TET1: variants seen among roughly 807,000 people sequenced by gnomAD.
TET1 encodes methylcytosine dioxygenase TET1.
A neutral mutation model predicts 148.7 loss-of-function variants in TET1; 13 were observed. That is an observed-to-expected ratio of 0.09 (90% CI 0.06 to 0.14). TET1 has a LOEUF of 0.14. TET1 is among the 10% of genes least tolerant of loss of function. TET1 has a pLI of 1.00. For synonymous variants in TET1, 907 were observed against 937.2 expected (o/e 0.97, Z 0.59); for missense variants, 2,182 against 2,553.8 (o/e 0.85, Z 3.14).
rs1209292552 is a variant in TET1, at chr10:68,645,867, G to A, written c.3138G>A (p.Glu1046=). 3.1e-6 allele frequency: 5 copies of A among 1,614,074 alleles called. No individual in the cohort carries two copies. The South Asian group carries it at 5.5e-5, about 18-fold the overall frequency. Reference sequence around the variant, plus strand: ...TGCCACCAAGAAATAATGAAGTGGAGTATTGCAACCAGTTACTGGACAGCA... The same window carrying A: ...TGCCACCAAGAAATAATGAAGTGGAATATTGCAACCAGTTACTGGACAGCA... The part of the protein sequence containing the change: ...HQLPPRNNEV[E]YCNQLLDSSK... Residue 1046 remains glutamate (E), a synonymous_variant, in exon 4 of 12, where the codon GAG becomes GAA. Transcript: ENST00000373644.
intron 11 of TET1, among the ~76,000 whole-genome samples, chr10:68,687,667 C>T (rs547635528): frequency 6.6e-6 from 1 of 152,114 alleles, no homozygotes; most frequent in East Asian, 1.9e-4. Flanking sequence ...TGGCTCACCA[C>T]AGCCTCAACC....
intron 1 of TET1, among the ~76,000 whole-genome samples, chr10:68,568,022 G>T (rs1443865194): frequency 1.3e-5 from 2 of 151,886 alleles, no homozygotes; most frequent in East Asian, 3.9e-4. Context: ...GGGATTACAG[G>T]CATGCACCAC....
At chr10:68,605,846 G>A (rs553435774) in intron 3 of TET1, among the ~76,000 whole-genome samples, 1 of 152,268 alleles carries the variant, frequency 6.6e-6, no homozygotes, top group Non-Finnish European at 1.5e-5. Context: ...CTAGACCAGT[G>A]CTGGTTTAAA....
intron 2 of TET1, among the ~76,000 whole-genome samples, chr10:68,592,485 GAAC>G (rs2053929989): frequency 6.6e-6 from 1 of 152,166 alleles, no homozygotes; most frequent in East Asian, 1.9e-4. Flanking sequence ...ACAATTGAAA[GAAC>G]AACAAAAATA....
At chr10:68,656,667 G>A (rs1475694133) in intron 6 of TET1, among the ~76,000 whole-genome samples, 1 of 152,176 alleles carries the variant, frequency 6.6e-6, no homozygotes, top group African/African-American at 2.4e-5. Context: ...GCCGAGCCTA[G>A]AATTAGCACT....
Position 68,646,338 on chromosome 10 carries a change from A to C in TET1, c.3609A>C (p.Pro1203=), listed in dbSNP as rs753965649. The C allele has an allele frequency of 4.3e-6, 7 of 1,614,210 alleles. No individual in the cohort carries two copies. The highest frequency in any genetic ancestry group is 3.3e-5 in the South Asian group (3 of 91,080). ...TTCAAAATTTTGGGCAATTTTGTCC[A>C]CATGATTTTCCTACTGTATTTGGGA... ...SKFQNFGQFC[P]HDFPTVFGKI... is the part of the protein sequence containing the mutation. Residue 1203 remains proline (P), a synonymous_variant, in exon 4 of 12, where the codon CCA becomes CCC. Transcript: ENST00000373644.
In TET1 at chr10:68,686,505, C is replaced by T. The variant is rs759378565; in HGVS notation, c.5202C>T (p.Ile1734=). Residue 1734 remains isoleucine, a synonymous_variant, in exon 11 of 12, where the codon ATC becomes ATT. Transcript: ENST00000373644. ...GMEAKIKSGA[I]EVLAPRRKKR... is the part of the protein sequence containing the mutation. The stretch of plus-strand genomic sequence containing the variant: ...AAGCCAAGATCAAATCTGGGGCCAT[C>T]GAGGTCCTGGCACCCCGCCGCAAAA... 7 of 1,614,074 alleles carry T rather than the reference C, an allele frequency of 4.3e-6. No individual in the cohort carries two copies. Among genetic ancestry groups the T allele is most frequent in the African/African-American group, 4.0e-5 (3 of 74,978 alleles).
chr10:68,634,031 C>T (rs1465037012), intron 3 of TET1, among the ~76,000 whole-genome samples: 3 of 152,064 alleles, frequency 2.0e-5, no homozygotes, highest in Non-Finnish European at 2.9e-5. Flanking sequence ...ACTTCAGGCA[C>T]GCACCACTAC....
In TET1 at chr10:68,691,243, C is replaced by T. The variant is rs1386503170; in HGVS notation, c.5840C>T (p.Thr1947Ile). The change falls in exon 12 of 12, where the codon ACC becomes ATC. Residue 1947 changes from threonine (T) to isoleucine (I), a missense_variant. Physicochemically the swap from Thr to Ile is moderately conservative, Grantham distance 89. Coordinates refer to ENST00000373644, the MANE Select transcript of TET1 (RefSeq NM_030625.3). This position sits in a 1 kb window ranked among gnomAD's most constrained non-coding sequence, Gnocchi z 4.4. ...CCAAACCACCAGCCCTCCTTCCTCA[C>T]CTCTCCTCAAGACCTTGCCTCTTCT... ...HQPNHQPSFL[T>I]SPQDLASSPM... 5.6e-6 allele frequency: 9 copies of T among 1,614,174 alleles called. No homozygotes were observed. The highest frequency in any genetic ancestry group is 7.6e-6 in the Non-Finnish European group (9 of 1,180,040).
intron 11 of TET1, among the ~76,000 whole-genome samples, chr10:68,687,037 G>A (rs1440971909): frequency 1.3e-5 from 2 of 151,776 alleles, no homozygotes; most frequent in African/African-American, 4.8e-5. Flanking sequence ...ACAGGCGCCC[G>A]CCACCACGCC....
At chr10:68,642,301 A>G (rs1332764681) in intron 3 of TET1, among the ~76,000 whole-genome samples, 111 of 152,118 alleles carry the variant, frequency 7.3e-4, no homozygotes, top group Non-Finnish European at 5.9e-5. Context: ...AGTTGTGGTT[A>G]CAGGCGCCTG....
At chr10:68,622,826 G>A (rs868352410) in intron 3 of TET1, among the ~76,000 whole-genome samples, 1 of 152,006 alleles carries the variant, frequency 6.6e-6, no homozygotes, top group East Asian at 1.9e-4. Flanking sequence ...GGACCCTCCC[G>A]CCTTAGCCTC....
At position 68,644,694 on chromosome 10, in the gene TET1, A is replaced by T; in HGVS notation, c.1969-4A>T. 1.3e-6 allele frequency: 2 copies of T among 1,548,750 alleles called. No individual in the cohort carries two copies. Among genetic ancestry groups the T allele is most frequent in the Non-Finnish European group, 1.7e-6 (2 of 1,152,470 alleles). On this transcript the variant is annotated splice_polypyrimidine_tract_variant and splice_region_variant and intron_variant, in intron 3 of 11. Transcript: ENST00000373644. ...ATGACATAAGTAATTTCTGTATTTT[A>T]CAGGCAGATTTTGACAACAAACCAG...
At chr10:68,657,265 C>T (rs989254352) in intron 6 of TET1, among the ~76,000 whole-genome samples, 70 of 152,090 alleles carry the variant, frequency 4.6e-4, no homozygotes, top group Non-Finnish European at 7.8e-4. Context: ...CAAGCTCCAC[C>T]TCCCAAGTTC....
chr10:68,688,639 C>T (rs1297491025), intron 11 of TET1, among the ~76,000 whole-genome samples: 2 of 151,818 alleles, frequency 1.3e-5, no homozygotes, highest in African/African-American at 2.4e-5. Context: ...GGGGTTTCAC[C>T]GTGTTAGCCA....
chr10:68,680,553 C>T (rs1255859563), intron 8 of TET1, among the ~76,000 whole-genome samples: 1 of 152,152 alleles, frequency 6.6e-6, no homozygotes, highest in Non-Finnish European at 1.5e-5. Context: ...TCACCAAGTT[C>T]CCCAGACTGG....
chr10:68,670,537 T>C (rs1391002900), intron 7 of TET1, among the ~76,000 whole-genome samples: 1 of 152,226 alleles, frequency 6.6e-6, no homozygotes, highest in African/African-American at 2.4e-5. Flanking sequence ...TTGTTGACTA[T>C]TTAAAATAAT....
chr10:68,634,791 G>A (rs1258180463), intron 3 of TET1, among the ~76,000 whole-genome samples: 1 of 152,050 alleles, frequency 6.6e-6, no homozygotes, highest in African/African-American at 2.4e-5. Context: ...TTGAGATGTA[G>A]TCTCACTCTG....
At chr10:68,610,661 T>G (rs1214894006) in intron 3 of TET1, among the ~76,000 whole-genome samples, 1 of 152,154 alleles carries the variant, frequency 6.6e-6, no homozygotes, top group Non-Finnish European at 1.5e-5. Context: ...GTGGTTTTTT[T>G]GTTTTTACTT....
Sources: gnomAD v4.1 joint callset for allele counts (sites outside exome capture counted in the v4.1 genomes callset) on GRCh38, gnomAD v4.1.1 for gene constraint, Gnocchi (gnomAD v3.1) non-coding constraint, MANE v1.5 for transcripts, NCBI Gene and HGNC (gene_info 2026-07-23, HGNC 2026-07-21) for gene names.